GALNT13: variants seen among roughly 807,000 people sequenced by gnomAD.
GALNT13 encodes the protein polypeptide N-acetylgalactosaminyltransferase 13.
GALNT13 carries 28 observed loss-of-function variants against 64.2 expected under a neutral mutation model. The ratio of observed to expected loss-of-function variants is 0.44; its 90% CI spans 0.32 to 0.60. The LOEUF (loss-of-function observed/expected upper bound fraction) is 0.60. Among genes scored for constraint, GALNT13 ranks in the 20% least tolerant of loss-of-function variants. The pLI is 0.05. For missense variants in GALNT13, 577 were observed against 669.8 expected (o/e 0.86, Z 1.53); for synonymous variants, 214 against 224.6 (o/e 0.95, Z 0.42).
chr2:153,129,881 C>T, the GALNT13 span, among the ~76,000 whole-genome samples: 4 of 152,110 alleles, frequency 2.6e-5, no homozygotes, highest in African/African-American at 9.7e-5. Flanking sequence ...TAGAATAAAG[C>T]AACACATACA....
chr2:153,884,308 G>A (rs986272920), intron 1 of GALNT13, among the ~76,000 whole-genome samples: 1 of 151,762 alleles, frequency 6.6e-6, no homozygotes, highest in Non-Finnish European at 1.5e-5. Flanking sequence ...TTCGATGAGT[G>A]TGTACTTCCC....
the GALNT13 span, among the ~76,000 whole-genome samples, chr2:153,779,947 G>A: frequency 6.6e-6 from 1 of 151,854 alleles, no homozygotes; most frequent in East Asian, 1.9e-4. Context: ...TTTAACATGT[G>A]TGGTGAACGT....
the GALNT13 span, among the ~76,000 whole-genome samples, chr2:153,765,517 A>T: frequency 2.6e-5 from 4 of 152,290 alleles, no homozygotes; most frequent in Non-Finnish European, 5.9e-5. Flanking sequence ...CTACGAAGTA[A>T]GTAACTTGCT....
chr2:153,248,666 A>G, the GALNT13 span, among the ~76,000 whole-genome samples: 1 of 151,682 alleles, frequency 6.6e-6, no homozygotes, highest in Non-Finnish European at 1.5e-5. Flanking sequence ...ATACAAAAAA[A>G]TTAGCTGGGC....
At chr2:153,092,615 T>G in the GALNT13 span, among the ~76,000 whole-genome samples, 1 of 152,200 alleles carries the variant, frequency 6.6e-6, no homozygotes. Context: ...TGAGATTACT[T>G]TCTGATTTCT....
the GALNT13 span, among the ~76,000 whole-genome samples, chr2:153,682,227 G>A: frequency 6.6e-6 from 1 of 151,672 alleles, no homozygotes; most frequent in Non-Finnish European, 1.5e-5. Flanking sequence ...TTTTCTATCA[G>A]TTGAAAGGGT....
chr2:153,535,673 A>C, the GALNT13 span, among the ~76,000 whole-genome samples: 1 of 151,064 alleles, frequency 6.6e-6, no homozygotes, highest in Non-Finnish European at 1.5e-5. Flanking sequence ...AAGTGGTAAA[A>C]GTATTGTCCA....
At chr2:153,518,353 G>T in the GALNT13 span, among the ~76,000 whole-genome samples, 1 of 152,048 alleles carries the variant, frequency 6.6e-6, no homozygotes, top group Non-Finnish European at 1.5e-5. Flanking sequence ...TGTTCATCCA[G>T]GATACTTGAT....
At position 154,365,971 on chromosome 2, in the gene GALNT13, C is replaced by T. The variant is rs1697340588; in HGVS notation, c.1157-30020C>T. ...TGAAGTCAATGCTATTGACAATCAT[C>T]AAAGATTTTCATCCTTTCCACTAGA... On this transcript the variant is annotated intron_variant, in intron 9 of 12. Coordinates refer to ENST00000392825, the MANE Select transcript of GALNT13 (RefSeq NM_052917.4). 2.0e-5 allele frequency among the ~76,000 whole-genome samples: 3 copies of T among 152,152 alleles called. No homozygotes were observed. The South Asian group carries it at 6.2e-4, about 31-fold the overall frequency.
chr2:153,330,181 C>T, the GALNT13 span, among the ~76,000 whole-genome samples: 2 of 152,258 alleles, frequency 1.3e-5, no homozygotes, highest in South Asian at 4.1e-4. Context: ...TTACTGTAGC[C>T]TTATAGTATA....
the GALNT13 span, among the ~76,000 whole-genome samples, chr2:153,248,522 T>A: frequency 6.6e-6 from 1 of 151,930 alleles, no homozygotes; most frequent in Non-Finnish European, 1.5e-5. Flanking sequence ...TCCTTTATGT[T>A]AAAAACCCTC....
chr2:153,775,265 G>A, the GALNT13 span, among the ~76,000 whole-genome samples: 6 of 152,014 alleles, frequency 3.9e-5, no homozygotes, highest in African/African-American at 7.2e-5. Context: ...CTAAAACTTA[G>A]GGCATTCATT....
chr2:153,827,063 A>G, the GALNT13 span, among the ~76,000 whole-genome samples: 2 of 152,094 alleles, frequency 1.3e-5, no homozygotes, highest in African/African-American at 2.4e-5. Flanking sequence ...AAAGAAGTTT[A>G]TTGGACTTAG....
the GALNT13 span, among the ~76,000 whole-genome samples, chr2:153,262,678 C>G: frequency 2.6e-5 from 4 of 152,112 alleles, no homozygotes; most frequent in South Asian, 8.3e-4. Flanking sequence ...ATTTATCACA[C>G]AAACAGAAAT....
intron 4 of GALNT13, among the ~76,000 whole-genome samples, chr2:154,172,020 A>C (rs1225992494): frequency 6.6e-6 from 1 of 151,556 alleles, no homozygotes; most frequent in Non-Finnish European, 1.5e-5. Context: ...CTAAGCCAGT[A>C]ATAAATTTTA....
chr2:153,577,319 A>T, the GALNT13 span, among the ~76,000 whole-genome samples: 145 of 152,306 alleles, frequency 9.5e-4, no homozygotes, highest in African/African-American at 3.4e-3. Context: ...AAGAAATTTT[A>T]AAACTAGGAG....
chr2:153,457,637 A>G, the GALNT13 span, among the ~76,000 whole-genome samples: 1 of 152,228 alleles, frequency 6.6e-6, no homozygotes, highest in Non-Finnish European at 1.5e-5. Flanking sequence ...AAAGGTAATT[A>G]TGTACTTAAA....
chr2:153,857,915 G>C, the GALNT13 span, among the ~76,000 whole-genome samples: 1 of 152,076 alleles, frequency 6.6e-6, no homozygotes, highest in Non-Finnish European at 1.5e-5. Context: ...TTATGTGCCA[G>C]GTATGAGTCT....
At chr2:153,814,040 G>A in the GALNT13 span, among the ~76,000 whole-genome samples, 8 of 152,182 alleles carry the variant, frequency 5.3e-5, no homozygotes, top group Non-Finnish European at 7.3e-5. Flanking sequence ...GTAACTCCTT[G>A]TAGCATGGCA....
Sources: gnomAD v4.1 joint callset for allele counts (sites outside exome capture counted in the v4.1 genomes callset) on GRCh38, gnomAD v4.1.1 for gene constraint, MANE v1.5 for transcripts, NCBI Gene and HGNC (gene_info 2026-07-23, HGNC 2026-07-21) for gene names.